HECW2: variants seen among roughly 807,000 people sequenced by gnomAD.
HECW2 encodes HECT, C2 and WW domain containing E3 ubiquitin protein ligase 2.
In HECW2, 61 loss-of-function variants were observed where a neutral mutation model predicts 175.2. The ratio of observed to expected loss-of-function variants is 0.35; its 90% CI spans 0.28 to 0.43. HECW2 has a LOEUF of 0.43. Among genes scored for constraint, HECW2 ranks in the 20% least tolerant of loss-of-function variants. The probability of loss-of-function intolerance (pLI) is 1.00; values close to 1 mark genes in which losing one functional copy is unlikely to be tolerated. For missense variants in HECW2, 1,524 were observed against 2,000.5 expected (o/e 0.76, Z 4.54); for synonymous variants, 671 against 731.0 (o/e 0.92, Z 1.32).
intron 1 of HECW2, among the ~76,000 whole-genome samples, chr2:196,513,662 G>A (rs1359985308): frequency 3.3e-5 from 5 of 152,174 alleles, no homozygotes; most frequent in Non-Finnish European, 5.9e-5. Flanking sequence ...ATATTTAACT[G>A]TGCAGAACAA....
In HECW2 at chr2:196,201,371, T is replaced by C; in HGVS notation, c.4625A>G (p.Asn1542Ser). ...TGGGTAGGGAGGCAGATCCAGACGG[T>C]TAAAACATGTATGCGCTCTGAAAAC... ...TALPRAHTCF[N>S]RLDLPPYPSF... is the part of the protein sequence containing the mutation. The change falls in exon 29 of 29, where the codon AAC becomes AGC. Residue 1542 changes from asparagine (N) to serine (S), a missense_variant. Around this residue, in one of 11 missense-constraint regions of HECW2, gnomAD observed 134 missense variants for 287.8 expected, o/e 0.47. Transcript: ENST00000644978. The C allele has an allele frequency of 6.2e-7, 1 of 1,613,090 alleles. No individual in the cohort carries two copies. Among genetic ancestry groups the C allele is most frequent in the Non-Finnish European group, 8.5e-7 (1 of 1,179,102 alleles).
chr2:196,424,897 G>A (rs1026773373), intron 2 of HECW2, among the ~76,000 whole-genome samples: 1 of 152,104 alleles, frequency 6.6e-6, no homozygotes, highest in Non-Finnish European at 1.5e-5. Context: ...TTTCAATGTG[G>A]GCAAAACAGC....
intron 13 of HECW2, among the ~76,000 whole-genome samples, chr2:196,305,908 T>A (rs1215617056): frequency 6.6e-6 from 1 of 152,144 alleles, no homozygotes; most frequent in Non-Finnish European, 1.5e-5. Context: ...CTTTAATTAC[T>A]ATCTTCAGTA....
At chr2:196,417,919 A>G (rs1044372100) in intron 2 of HECW2, among the ~76,000 whole-genome samples, 2 of 152,238 alleles carry the variant, frequency 1.3e-5, no homozygotes, top group Admixed American at 6.5e-5. Flanking sequence ...TTAAAGAAAA[A>G]AAACCCTACT....
At chr2:196,452,436 A>G (rs1696375379) in intron 1 of HECW2, among the ~76,000 whole-genome samples, 1 of 152,210 alleles carries the variant, frequency 6.6e-6, no homozygotes, top group Admixed American at 6.5e-5. Flanking sequence ...ACTCAGTCCA[A>G]GGGTAAATTT....
intron 17 of HECW2, among the ~76,000 whole-genome samples, chr2:196,268,557 A>T (rs190026892): frequency 2.3e-3 from 347 of 152,342 alleles, no homozygotes; most frequent in South Asian, 0.013. Context: ...TCAAGTCATT[A>T]AAGACTAATG....
chr2:196,234,069 T>C (rs909559399), intron 21 of HECW2, among the ~76,000 whole-genome samples: 8 of 152,210 alleles, frequency 5.3e-5, no homozygotes, highest in Non-Finnish European at 5.9e-5. Flanking sequence ...CTGCAAGACA[T>C]GATTGATGTC....
chr2:196,390,122 A>G (rs1694462577), intron 2 of HECW2, among the ~76,000 whole-genome samples: 1 of 152,190 alleles, frequency 6.6e-6, no homozygotes, highest in Non-Finnish European at 1.5e-5. Flanking sequence ...TTATTATCTC[A>G]TAATTTTCCT....
At chr2:196,406,581 T>G (rs2125218269) in intron 2 of HECW2, among the ~76,000 whole-genome samples, 1 of 152,352 alleles carries the variant, frequency 6.6e-6, no homozygotes, top group East Asian at 1.9e-4. Context: ...TCCACTGTAC[T>G]TGGAATAAAA....
chr2:196,583,292 G>A (rs1157006491), intron 1 of HECW2, among the ~76,000 whole-genome samples: 1 of 152,126 alleles, frequency 6.6e-6, no homozygotes, highest in African/African-American at 2.4e-5. Context: ...CAGATCACAT[G>A]GCAGAAGGCA....
chr2:196,476,612 A>G (rs1023723837), intron 1 of HECW2, among the ~76,000 whole-genome samples: 1 of 152,186 alleles, frequency 6.6e-6, no homozygotes, highest in African/African-American at 2.4e-5. Context: ...AGTTCAGTTA[A>G]TAACTATCAA....
chr2:196,578,820 T>G (rs1690656887), intron 1 of HECW2, among the ~76,000 whole-genome samples: 1 of 152,114 alleles, frequency 6.6e-6, no homozygotes, highest in Non-Finnish European at 1.5e-5. Context: ...AGAGAATCTG[T>G]CACCATCACA....
rs1164886570 is a variant in HECW2, at chr2:196,575,080, C to CAAAAAAA, written c.-36+18421_-36+18427dup. 2.7e-4 allele frequency among the ~76,000 whole-genome samples: 8 copies of CAAAAAAA among 29,852 alleles called. 1 individual carries two copies. The highest frequency in any genetic ancestry group is 1.2e-3 in the African/African-American group (8 of 6,424). The allele number at this position is 29,852 out of a possible 152,430, so 19.6% of individuals were successfully genotyped here. On this transcript the variant is annotated intron_variant, in intron 1 of 28. Coordinates refer to ENST00000644978, the MANE Select transcript of HECW2 (RefSeq NM_001348768.2). ...TGGGTAACAGAGCAAGGCCTTGTCT[C>CAAAAAAA]AAAAAAAAAAAAAAAAAAAAAAAAA...
chr2:196,293,643 A>G (rs1690690248), intron 13 of HECW2, among the ~76,000 whole-genome samples: 1 of 152,234 alleles, frequency 6.6e-6, no homozygotes, highest in Non-Finnish European at 1.5e-5. Context: ...CTCACTGCAC[A>G]TGGGCCATTA....
Position 196,306,606 on chromosome 2 carries a change from C to A in HECW2, c.2696G>T (p.Arg899Leu). Residue 899 changes from arginine (R) to leucine (L), a missense_variant, in exon 13 of 29, where the codon CGA (arginine) becomes CTA (leucine). Physicochemically the swap from Arg to Leu is moderately radical, Grantham distance 102. This residue lies in a region of HECW2 where 105 missense variants were observed against 98.1 expected (regional missense o/e 1.07). Transcript: ENST00000644978. Reference sequence around the variant, plus strand: ...AGAGTGAGGCAGGATGTTCTCCCGTCGGAAATCTAGATGGGGCAGACCACA... The same window carrying A: ...AGAGTGAGGCAGGATGTTCTCCCGTAGGAAATCTAGATGGGGCAGACCACA... ...ADFHQASADF[R>L]RENILPHSTS... The A allele has an allele frequency of 6.2e-7, 1 of 1,611,122 alleles. No homozygotes were observed. The highest frequency in any genetic ancestry group is 8.5e-7 in the Non-Finnish European group (1 of 1,178,666).
rs540316048 is a variant in HECW2, at chr2:196,489,903, G to A, written c.-35-56445C>T. Among the ~76,000 whole-genome samples the A allele has an allele frequency of 5.9e-5, 9 of 152,288 alleles. No homozygotes were observed. In the South Asian group the frequency reaches 1.9e-3, roughly 32 times the overall value. On this transcript the variant is annotated intron_variant, in intron 1 of 28. Transcript: ENST00000644978. ...AAGAATGTGGTCATTGAAGACTGGG[G>A]TGGCCAAGGGACCTAAACAGGTCTA...
chr2:196,592,714 A>T (rs960566334), intron 1 of HECW2: 2 of 152,136 alleles, frequency 1.3e-5, no homozygotes, highest in Non-Finnish European at 2.9e-5. Context: ...GGCGCAAGGG[A>T]GGAAAAACAA....
At chr2:196,379,086 A>T (rs933100203) in intron 2 of HECW2, among the ~76,000 whole-genome samples, 1 of 152,142 alleles carries the variant, frequency 6.6e-6, no homozygotes, top group Non-Finnish European at 1.5e-5. Context: ...GAGCAAAAAA[A>T]AAAACAAATC....
At chr2:196,589,428 A>C (rs1691102169) in intron 1 of HECW2, among the ~76,000 whole-genome samples, 1 of 152,174 alleles carries the variant, frequency 6.6e-6, no homozygotes, top group African/African-American at 2.4e-5. Context: ...TTGGGTAAAG[A>C]ATCCAAACCC....
Sources: gnomAD v4.1 joint callset for allele counts (sites outside exome capture counted in the v4.1 genomes callset) on GRCh38, gnomAD v4.1.1 for gene constraint, gnomAD v4.1.1 regional missense constraint, MANE v1.5 for transcripts, NCBI Gene and HGNC (gene_info 2026-07-23, HGNC 2026-07-21) for gene names.